The following DNMBP variants were observed in gnomAD, a reference collection of about 807,000 sequenced individuals.
The protein encoded by DNMBP is dynamin-binding protein.
Under a neutral mutation model 150.0 loss-of-function variants are expected in DNMBP, and 87 were observed. The observed-to-expected ratio is 0.58, with a 90% confidence interval of 0.49 to 0.69. The LOEUF (loss-of-function observed/expected upper bound fraction) is 0.69. Among genes scored for constraint, DNMBP ranks in the 30% least tolerant of loss-of-function variants. The pLI, the probability that DNMBP is intolerant of heterozygous loss-of-function variation, is 0.00. For missense variants in DNMBP, 1,774 were observed against 1,949.0 expected (o/e 0.91, Z 1.69); for synonymous variants, 711 against 750.4 (o/e 0.95, Z 0.86).
chr10:100,005,361 C>A (rs1270807027), intron 1 of DNMBP, among the ~76,000 whole-genome samples: 1 of 152,086 alleles, frequency 6.6e-6, no homozygotes, highest in Non-Finnish European at 1.5e-5. Flanking sequence ...ACACAGAGAG[C>A]AGATAAAGCA....
At chr10:99,916,933 C>T (rs943192310) in intron 4 of DNMBP, among the ~76,000 whole-genome samples, 5 of 152,040 alleles carry the variant, frequency 3.3e-5, no homozygotes, top group East Asian at 3.9e-4. Flanking sequence ...TTCCAGGAGG[C>T]GGAGGGTGCA....
intron 1 of DNMBP, among the ~76,000 whole-genome samples, chr10:99,991,292 T>C (rs1589452037): frequency 6.6e-6 from 1 of 151,970 alleles, no homozygotes; most frequent in South Asian, 2.1e-4. Context: ...TCAGCCAGGG[T>C]GGTCTCAAAC....
chr10:99,880,112 C>T lies in DNMBP; in HGVS notation c.4247G>A (p.Gly1416Glu), dbSNP rs562734977. The change falls in exon 16 of 17, where the codon GGA becomes GAA. Residue 1416 changes from glycine (G) to glutamate (E), a missense_variant. By Grantham distance (98) the Gly-to-Glu change is moderately conservative. This residue lies in a region of DNMBP where 1,430 missense variants were observed against 1,492.5 expected (regional missense o/e 0.96). Transcript: ENST00000324109. ...CGGATTTAGGGATGCACTGAGAGTTCCTTGGTCACATTCTTTTGGCGGAGG... is the reference window on the plus strand; with the variant it reads ...CGGATTTAGGGATGCACTGAGAGTTTCTTGGTCACATTCTTTTGGCGGAGG... Reference protein sequence around the residue: ...ASPPPKECDQGTLSASLNPSN... With the variant: ...ASPPPKECDQETLSASLNPSN... 6.2e-7 allele frequency: 1 copy of T among 1,614,164 alleles called. No homozygotes were observed. The highest frequency in any genetic ancestry group is 1.7e-5 in the Admixed American group (1 of 60,014).
intron 1 of DNMBP, among the ~76,000 whole-genome samples, chr10:99,985,128 A>C (rs2040816429): frequency 6.6e-6 from 1 of 152,292 alleles, no homozygotes; most frequent in South Asian, 2.1e-4. Flanking sequence ...ATTCTGAGGA[A>C]GAAAAATTGG....
chr10:99,881,370 A>C (rs1279063833), intron 15 of DNMBP, among the ~76,000 whole-genome samples: 1 of 152,242 alleles, frequency 6.6e-6, no homozygotes, highest in Non-Finnish European at 1.5e-5. Flanking sequence ...TAGAATATAC[A>C]CGTAACGTGT....
chr10:99,895,105 C>T, intron 10 of DNMBP, 55 bp from the exon 11 acceptor site: 1 of 985,518 alleles, frequency 1.0e-6, no homozygotes, highest in South Asian at 1.6e-5. Context: ...TTTAATCTTA[C>T]TGGCAAAAGT....
rs1369356345 is a variant in DNMBP at position 99,885,857 on chromosome 10, C to T, written c.3628G>A (p.Val1210Met). 1 of 1,611,218 alleles carries T rather than the reference C, an allele frequency of 6.2e-7. No individual in the cohort carries two copies. The highest frequency in any genetic ancestry group is 1.7e-5 in the Admixed American group (1 of 59,708). Residue 1210 changes from valine to methionine, a missense_variant, in exon 14 of 17, where the codon GTG becomes ATG. Val to Met is a conservative substitution (Grantham distance 21). Around this residue, in one of 2 missense-constraint regions of DNMBP, gnomAD observed 1,430 missense variants for 1,492.5 expected, o/e 0.96. Transcript: ENST00000324109. Reference sequence around the variant, plus strand: ...ATAAGGTTTCCCTCTCTGCCAGCCACTTTGAGTAACTGGGGTCCATGGGAA... The same window carrying T: ...ATAAGGTTTCCCTCTCTGCCAGCCATTTTGAGTAACTGGGGTCCATGGGAA... ...QLKPLLSLLK[V>M]AGREGNLIAI...
intron 4 of DNMBP, among the ~76,000 whole-genome samples, chr10:99,945,312 A>G (rs1347417441): frequency 1.3e-5 from 2 of 152,252 alleles, no homozygotes; most frequent in Non-Finnish European, 2.9e-5. Flanking sequence ...AAGTTGACGC[A>G]AGAGCAGAGA....
At chr10:99,970,626 G>A (rs2040663738) in intron 2 of DNMBP, among the ~76,000 whole-genome samples, 1 of 152,114 alleles carries the variant, frequency 6.6e-6, no homozygotes, top group African/African-American at 2.4e-5. Flanking sequence ...AAGACAGCCA[G>A]AGGAAACAAG....
At chr10:99,900,743 G>T (rs1244738927) in intron 6 of DNMBP, among the ~76,000 whole-genome samples, 1 of 151,906 alleles carries the variant, frequency 6.6e-6, no homozygotes, top group Non-Finnish European at 1.5e-5. Context: ...TGAGTCCTCT[G>T]CCTCAACCTC....
In DNMBP at chr10:99,886,649, G is replaced by C; in HGVS notation, c.3286-17C>G. 2 of 1,601,584 alleles carry C rather than the reference G, an allele frequency of 1.2e-6. No individual in the cohort carries two copies. Among genetic ancestry groups the C allele is most frequent in the Non-Finnish European group, 1.7e-6 (2 of 1,171,364 alleles). ...CCTCTCCTTCTGTAGGGACGAGAAA[G>C]GCACATTGCTCAGCTGGACAGCATC... is the stretch of plus-strand genomic sequence containing the variant. On this transcript the variant is annotated splice_polypyrimidine_tract_variant and intron_variant, in intron 12 of 16. Transcript: ENST00000324109.
chr10:99,913,422 T>C (rs2039925154), intron 4 of DNMBP, among the ~76,000 whole-genome samples: 1 of 152,146 alleles, frequency 6.6e-6, no homozygotes, highest in Admixed American at 6.5e-5. Flanking sequence ...ACCTGATAGA[T>C]GGTAAATACA....
intron 1 of DNMBP, among the ~76,000 whole-genome samples, chr10:99,997,927 C>CAAAAAAAAAA (rs71009798): frequency 4.5e-5 from 1 of 22,330 alleles, no homozygotes; most frequent in Non-Finnish European, 8.0e-5. Flanking sequence ...GACTCTGTCT[C>CAAAAAAAAAA]AAAAAAAAAA....
chr10:99,960,763 A>G (rs994933014), intron 3 of DNMBP, among the ~76,000 whole-genome samples: 12 of 152,262 alleles, frequency 7.9e-5, no homozygotes, highest in Middle Eastern at 3.4e-3. Context: ...CTGAGGCTGC[A>G]CCATTGCACT....
At chr10:99,901,753 G>A (rs1044836306) in intron 6 of DNMBP, among the ~76,000 whole-genome samples, 1 of 152,104 alleles carries the variant, frequency 6.6e-6, no homozygotes, top group African/African-American at 2.4e-5. Context: ...CCTCCAATAT[G>A]ATACTATTTA....
In DNMBP at chr10:99,915,108, A is replaced by AAAAAAAAATATAT. The variant is rs10654940; in HGVS notation, c.2261-5963_2261-5962insATATATTTTTTTT. On this transcript the variant is annotated intron_variant, in intron 4 of 16. Transcript: ENST00000324109. ...AAACTCTGTCTCAAAAAAAAAAAAA[A>AAAAAAAAATATAT]ATATATATATATATATATATACACA... Among the ~76,000 whole-genome samples the AAAAAAAAATATAT allele has an allele frequency of 4.1e-3, 408 of 99,624 alleles. 6 individuals carry two copies. The highest frequency in any genetic ancestry group is 0.013 in the African/African-American group (296 of 22,526). 65.4% of individuals were successfully genotyped at this position (99,624 alleles called of 152,430 possible).
chr10:99,959,754 C>G (rs2040542344), intron 3 of DNMBP, among the ~76,000 whole-genome samples: 1 of 151,492 alleles, frequency 6.6e-6, no homozygotes, highest in East Asian at 1.9e-4. Context: ...ACTTGGGAAC[C>G]TGAGGCAGGA....
chr10:99,983,980 A>C (rs1209069768), intron 1 of DNMBP, among the ~76,000 whole-genome samples: 3 of 152,052 alleles, frequency 2.0e-5, no homozygotes, highest in East Asian at 1.9e-4. Flanking sequence ...CACTTCTATA[A>C]ATTTTTTTTG....
chr10:99,930,885 C>T, intron 4 of DNMBP: 1 of 566,316 alleles, frequency 1.8e-6, no homozygotes, highest in Non-Finnish European at 3.1e-6. Flanking sequence ...CCCAACCATT[C>T]CAGACACTCT....
Sources: gnomAD v4.1 joint callset for allele counts (sites outside exome capture counted in the v4.1 genomes callset) on GRCh38, gnomAD v4.1.1 for gene constraint, gnomAD v4.1.1 regional missense constraint, MANE v1.5 for transcripts, NCBI Gene and HGNC (gene_info 2026-07-23, HGNC 2026-07-21) for gene names.